TNS3: variants seen among roughly 807,000 people sequenced by gnomAD.
TNS3 encodes the protein tensin-3.
TNS3 carries 45 observed loss-of-function variants against 140.9 expected under a neutral mutation model. The observed-to-expected ratio is 0.32, with a 90% CI of 0.25 to 0.41. The LOEUF is 0.41. Among genes scored for constraint, TNS3 ranks in the 10% least tolerant of loss-of-function variants. The pLI, the probability that TNS3 is intolerant of heterozygous loss-of-function variation, is 1.00. For missense variants in TNS3, 1,716 were observed against 1,906.7 expected (o/e 0.90, Z 1.86); for synonymous variants, 815 against 788.4 (o/e 1.03, Z -0.56).
At chr7:47,294,456 G>C (rs943108873) in intron 24 of TNS3, among the ~76,000 whole-genome samples, 1 of 152,222 alleles carries the variant, frequency 6.6e-6, no homozygotes, top group African/African-American at 2.4e-5. Context: ...AACTATCTGA[G>C]AGTGGAAAAG....
At chr7:47,469,973 CAAAAA>C (rs144012426) in intron 4 of TNS3, among the ~76,000 whole-genome samples, 489 of 64,876 alleles carry the variant, frequency 7.5e-3, no homozygotes, top group African/African-American at 0.011. Flanking sequence ...AACTCTGTCT[CAAAAA>C]AAAAAAAAAA....
intron 2 of TNS3, among the ~76,000 whole-genome samples, chr7:47,519,457 C>T (rs1798890276): frequency 6.6e-6 from 1 of 152,120 alleles, no homozygotes; most frequent in South Asian, 2.1e-4. Context: ...GAAACAAGTC[C>T]CCCACCTCAC....
intron 25 of TNS3, among the ~76,000 whole-genome samples, chr7:47,293,463 C>A (rs1785829494): frequency 6.6e-6 from 1 of 152,180 alleles, no homozygotes; most frequent in Non-Finnish European, 1.5e-5. Flanking sequence ...TACCTGCCTG[C>A]CAACTAGGAT....
rs1792860042 is a variant in TNS3 at position 47,396,846 on chromosome 7, T to C, written c.978A>G (p.Pro326=). The change falls in exon 16 of 31, where the codon CCA becomes CCG. Residue 326 remains proline, a synonymous_variant. Transcript: ENST00000311160. ...TCTCGTACGAGTCCCAGCGTATCAG[T>C]GGGTCTGTTGTGTTGTAGTCCACAA... The part of the protein sequence containing the change: ...GVIVDYNTTD[P]LIRWDSYENL... 2.1e-5 allele frequency: 34 copies of C among 1,614,092 alleles called. No individual in the cohort carries two copies. Among genetic ancestry groups the C allele is most frequent in the Non-Finnish European group, 2.9e-5 (34 of 1,180,030 alleles).
At chr7:47,316,675 A>C (rs1018072839) in intron 20 of TNS3, among the ~76,000 whole-genome samples, 1 of 151,620 alleles carries the variant, frequency 6.6e-6, no homozygotes. Context: ...TTCAAAATAC[A>C]AAAGTTAGCC....
At chr7:47,389,074 AGAAGAAGAAGAG>A (rs1221864563) in intron 16 of TNS3, among the ~76,000 whole-genome samples, 23 of 64,564 alleles carry the variant, frequency 3.6e-4, no homozygotes, top group East Asian at 1.6e-3. Flanking sequence ...AAGAAGAAGA[AGAAGAAGAAGAG>A]GAAGAGGAAG....
intron 1 of TNS3, among the ~76,000 whole-genome samples, chr7:47,532,490 T>G (rs1464708870): frequency 1.3e-5 from 2 of 149,934 alleles, no homozygotes; most frequent in East Asian, 1.9e-4. Context: ...TTCAGAGACC[T>G]GCAGAGATGT....
chr7:47,401,515 T>G (rs1487409605), intron 13 of TNS3, among the ~76,000 whole-genome samples: 1 of 152,110 alleles, frequency 6.6e-6, no homozygotes, highest in Non-Finnish European at 1.5e-5. Flanking sequence ...AGACAAGTGT[T>G]CAGAATCACC....
chr7:47,389,637 G>T (rs1013713077), intron 16 of TNS3, among the ~76,000 whole-genome samples: 4 of 152,128 alleles, frequency 2.6e-5, no homozygotes, highest in Admixed American at 6.5e-5. Flanking sequence ...TCAATTTTTT[G>T]AAAGTAACAC....
At chr7:47,496,091 G>A (rs1797997457) in intron 3 of TNS3, among the ~76,000 whole-genome samples, 1 of 152,194 alleles carries the variant, frequency 6.6e-6, no homozygotes, top group Non-Finnish European at 1.5e-5. Context: ...CTGGATTGAG[G>A]AGAGGAGAGG....
intron 2 of TNS3, among the ~76,000 whole-genome samples, chr7:47,525,316 C>T (rs1431040408): frequency 2.0e-5 from 3 of 152,320 alleles, no homozygotes; most frequent in South Asian, 4.1e-4. Flanking sequence ...AGATGGGCCA[C>T]GGGGCCACCA....
intron 17 of TNS3, among the ~76,000 whole-genome samples, chr7:47,348,198 G>T (rs945904950): frequency 6.6e-6 from 1 of 152,252 alleles, no homozygotes; most frequent in Non-Finnish European, 1.5e-5. Flanking sequence ...CGTGGAGTTT[G>T]TTCCTGAAGC....
At chr7:47,294,830 T>C (rs1005388738) in intron 24 of TNS3, among the ~76,000 whole-genome samples, 1 of 152,194 alleles carries the variant, frequency 6.6e-6, no homozygotes, top group Non-Finnish European at 1.5e-5. Context: ...GACATTCAGT[T>C]GTGGGAAGAA....
intron 8 of TNS3, among the ~76,000 whole-genome samples, chr7:47,428,980 G>A (rs1363339789): frequency 3.9e-5 from 6 of 152,168 alleles, no homozygotes; most frequent in Admixed American, 6.6e-5. Flanking sequence ...AACACCAGCA[G>A]GAGAAGCAGA....
chr7:47,488,895 G>C (rs1797709487), intron 3 of TNS3, among the ~76,000 whole-genome samples: 1 of 152,146 alleles, frequency 6.6e-6, no homozygotes, highest in Admixed American at 6.5e-5. Context: ...GTAGAGGGTT[G>C]AAGAGAGGCC....
At chr7:47,349,219 T>C (rs750627400) in intron 17 of TNS3, among the ~76,000 whole-genome samples, 3 of 151,910 alleles carry the variant, frequency 2.0e-5, no homozygotes, top group Non-Finnish European at 2.9e-5. Context: ...CAAAAAAAAA[T>C]CAATCTTCAT....
intron 20 of TNS3, among the ~76,000 whole-genome samples, chr7:47,327,048 G>A (rs1161055439): frequency 1.3e-5 from 2 of 152,154 alleles, no homozygotes; most frequent in Non-Finnish European, 1.5e-5. Context: ...GGCCAGCCAC[G>A]CAGAGGAGGG....
At chr7:47,553,740 A>G (rs1800120689) in intron 1 of TNS3, among the ~76,000 whole-genome samples, 1 of 152,110 alleles carries the variant, frequency 6.6e-6, no homozygotes, top group Non-Finnish European at 1.5e-5. Flanking sequence ...TACTAACACA[A>G]CATCCATTCT....
intron 20 of TNS3, among the ~76,000 whole-genome samples, chr7:47,332,813 C>G (rs1452295011): frequency 6.6e-6 from 1 of 152,172 alleles, no homozygotes; most frequent in African/African-American, 2.4e-5. Flanking sequence ...GATCACAGAG[C>G]TACAGACGGG....
Sources: gnomAD v4.1 joint callset for allele counts (sites outside exome capture counted in the v4.1 genomes callset) on GRCh38, gnomAD v4.1.1 for gene constraint, MANE v1.5 for transcripts, NCBI Gene and HGNC (gene_info 2026-07-23, HGNC 2026-07-21) for gene names.